Variants in MCPH1 observed in about 807,000 individuals in gnomAD.
MCPH1 encodes microcephalin.
Under a neutral mutation model 84.5 loss-of-function variants are expected in MCPH1, and 104 were observed. That is an observed-to-expected ratio of 1.23 (90% CI 1.05 to 1.45). The LOEUF (loss-of-function observed/expected upper bound fraction) is 1.45. Among genes scored for constraint, MCPH1 ranks in the 40% most tolerant of loss-of-function variants. MCPH1 has a pLI of 0.00. For synonymous variants in MCPH1, 514 were observed against 366.8 expected (o/e 1.40, Z -4.58); for missense variants, 1,498 against 1,005.7 (o/e 1.49, Z -6.62).
intron 2 of MCPH1, among the ~76,000 whole-genome samples, chr8:6,410,647 A>G (rs565064830): frequency 1.2e-4 from 19 of 152,200 alleles, no homozygotes; most frequent in African/African-American, 4.3e-4. Flanking sequence ...CGGGTTTTAC[A>G]AAAGGGAAAA....
intron 12 of MCPH1, chr8:6,520,138 A>G (rs1281082510): frequency 1.1e-6 from 1 of 870,292 alleles, no homozygotes; most frequent in African/African-American, 1.7e-5. Flanking sequence ...ACCTTTCTAG[A>G]AAGTTTCCTT....
chr8:6,642,212 T>C (rs1797980326), intron 13 of MCPH1, among the ~76,000 whole-genome samples: 1 of 152,242 alleles, frequency 6.6e-6, no homozygotes, highest in Non-Finnish European at 1.5e-5. Context: ...TTAATTGCAA[T>C]TGATTTAATC....
intron 1 of MCPH1, among the ~76,000 whole-genome samples, chr8:6,407,704 A>T (rs138135433): frequency 8.7e-4 from 133 of 152,154 alleles, no homozygotes; most frequent in Middle Eastern, 3.4e-3. Flanking sequence ...TTTTAGCGTT[A>T]CCCCCAATCA....
intron 9 of MCPH1, among the ~76,000 whole-genome samples, chr8:6,460,028 T>C (rs188573439): frequency 1.6e-3 from 236 of 152,148 alleles, no homozygotes; most frequent in African/African-American, 5.3e-3. Flanking sequence ...TGTAGGTTCA[T>C]TGTGATTGTT....
chr8:6,432,092 C>T (rs1000284962), intron 4 of MCPH1, among the ~76,000 whole-genome samples: 2 of 152,168 alleles, frequency 1.3e-5, no homozygotes, highest in Admixed American at 1.3e-4. Flanking sequence ...ATATAAAATG[C>T]CATAGTATTT....
At chr8:6,532,634 AC>A (rs1819744165) in intron 12 of MCPH1, 1 of 668,984 alleles carries the variant, frequency 1.5e-6, no homozygotes, top group South Asian at 3.8e-5. Context: ...TTGGAATCTT[AC>A]TATTTTTTTT....
At chr8:6,537,107 T>C (rs150260314) in intron 12 of MCPH1, among the ~76,000 whole-genome samples, 9 of 152,092 alleles carry the variant, frequency 5.9e-5, no homozygotes, top group East Asian at 5.8e-4. Flanking sequence ...AGTTCCAAGA[T>C]ACTTGAACCT....
chr8:6,566,887 G>T, intron 12 of MCPH1, among the ~76,000 whole-genome samples: 1 of 150,850 alleles, frequency 6.6e-6, no homozygotes, highest in South Asian at 2.1e-4. Flanking sequence ...AGTACACGCG[G>T]TGCGGTGACC....
Position 6,445,152 on chromosome 8 carries a change from C to T in MCPH1, c.1430C>T (p.Thr477Ile), listed in dbSNP as rs926140350. 4 of 1,614,242 alleles carry T rather than the reference C, an allele frequency of 2.5e-6. No homozygotes were observed. Among genetic ancestry groups the T allele is most frequent in the East Asian group, 4.5e-5 (2 of 44,890 alleles). The change falls in exon 8 of 14, where the codon ACA (threonine) becomes ATA (isoleucine). Residue 477 changes from threonine (T) to isoleucine (I), a missense_variant. Thr to Ile is a moderately conservative substitution (Grantham distance 89). Coordinates refer to ENST00000344683, the MANE Select transcript of MCPH1 (RefSeq NM_024596.5). The part of the protein sequence containing the change: ...KTRTVDITNF[T>I]AKTISSPRKT... ...AGAACAGTTGACATTACCAATTTCA[C>T]AGCAAAAACCATCTCCAGTCCTCGG...
intron 9 of MCPH1, among the ~76,000 whole-genome samples, chr8:6,471,258 C>T (rs900593561): frequency 6.6e-6 from 1 of 152,160 alleles, no homozygotes; most frequent in East Asian, 1.9e-4. Context: ...CTGGTTATTT[C>T]TGAGTAAGTG....
At position 6,577,150 on chromosome 8, in the gene MCPH1, G is replaced by A. The variant is rs1006171570; in HGVS notation, c.2215-44304G>A. On this transcript the variant is annotated intron_variant, in intron 12 of 13. Coordinates refer to ENST00000344683, the MANE Select transcript of MCPH1 (RefSeq NM_024596.5). ...GTGCTGTGAACCTGCTCTCAGCCCC[G>A]GGCAAAGGGAATCTCGTTAATCCAG... Among the ~76,000 whole-genome samples the A allele has an allele frequency of 5.3e-5, 8 of 152,246 alleles. No homozygotes were observed. The South Asian group carries it at 6.2e-4, about 12-fold the overall frequency.
At chr8:6,610,152 G>GTTAAATGC (rs1830140020) in intron 12 of MCPH1, among the ~76,000 whole-genome samples, 2 of 152,114 alleles carry the variant, frequency 1.3e-5, no homozygotes, top group South Asian at 4.1e-4. Flanking sequence ...TGTCTCCATT[G>GTTAAATGC]TCAGACTGTT....
intron 12 of MCPH1, among the ~76,000 whole-genome samples, chr8:6,549,676 A>C (rs1823268961): frequency 7.2e-6 from 1 of 139,648 alleles, no homozygotes; most frequent in Admixed American, 7.5e-5. Flanking sequence ...GCAGGGGAAG[A>C]AGCCTTCCGT....
At chr8:6,546,980 C>T (rs1822704488) in intron 12 of MCPH1, among the ~76,000 whole-genome samples, 1 of 152,186 alleles carries the variant, frequency 6.6e-6, no homozygotes, top group Non-Finnish European at 1.5e-5. Flanking sequence ...TGTCTTCTTT[C>T]AGGTGAACAG....
intron 11 of MCPH1, among the ~76,000 whole-genome samples, chr8:6,483,676 A>G (rs1468705078): frequency 9.9e-5 from 15 of 152,228 alleles, no homozygotes; most frequent in Admixed American, 9.2e-4. Flanking sequence ...CCTGGCCAAC[A>G]TGGTGAAACC....
At chr8:6,454,568 G>C (rs1019031181) in intron 8 of MCPH1, among the ~76,000 whole-genome samples, 1 of 152,206 alleles carries the variant, frequency 6.6e-6, no homozygotes, top group Non-Finnish European at 1.5e-5. Flanking sequence ...TAGGTCTACA[G>C]AGGTTAGCAT....
At chr8:6,532,398 T>G (rs1258680994) in intron 12 of MCPH1, 7 of 1,614,144 alleles carry the variant, frequency 4.3e-6, no homozygotes, top group Non-Finnish European at 5.9e-6. Flanking sequence ...TTGTCCCTAT[T>G]TCTATCATCA....
rs571386064 is a variant in MCPH1, at chr8:6,511,674, T to C, written c.2214+11745T>C. Among the ~76,000 whole-genome samples the C allele has an allele frequency of 2.6e-5, 4 of 152,302 alleles. No individual in the cohort carries two copies. The South Asian group carries it at 6.2e-4, about 24-fold the overall frequency. On this transcript the variant is annotated intron_variant, in intron 12 of 13. Coordinates refer to ENST00000344683, the MANE Select transcript of MCPH1 (RefSeq NM_024596.5). Reference sequence around the variant, plus strand: ...GCATCATGTTTTATTAGGATAATAATTTTCGATGTAATATCTATTTTATCT... The same window carrying C: ...GCATCATGTTTTATTAGGATAATAACTTTCGATGTAATATCTATTTTATCT...
intron 13 of MCPH1, among the ~76,000 whole-genome samples, chr8:6,629,640 G>C (rs540455772): frequency 6.6e-6 from 1 of 152,194 alleles, no homozygotes; most frequent in South Asian, 2.1e-4. Context: ...CTGCCCTCCA[G>C]AACTGTGAAA....
Sources: gnomAD v4.1 joint callset for allele counts (sites outside exome capture counted in the v4.1 genomes callset) on GRCh38, gnomAD v4.1.1 for gene constraint, MANE v1.5 for transcripts, NCBI Gene and HGNC (gene_info 2026-07-23, HGNC 2026-07-21) for gene names.